Variants in ASTN2 observed in about 807,000 individuals in gnomAD.
ASTN2 encodes the protein astrotactin 2.
ASTN2 carries 54 observed loss-of-function variants against 139.8 expected under a neutral mutation model. That is an observed-to-expected ratio of 0.39 (90% confidence interval 0.31 to 0.48). The LOEUF is 0.48. ASTN2 is among the 20% of genes least tolerant of loss of function. ASTN2 has a pLI of 0.95. For synonymous variants in ASTN2, 756 were observed against 719.5 expected (o/e 1.05, Z -0.81); for missense variants, 1,565 against 1,725.1 (o/e 0.91, Z 1.64).
intron 2 of ASTN2, among the ~76,000 whole-genome samples, chr9:117,275,089 A>G (rs1834154345): frequency 6.6e-6 from 1 of 152,186 alleles, no homozygotes; most frequent in Non-Finnish European, 1.5e-5. Context: ...TTGCCATTGT[A>G]TATCAAAGAC....
intron 3 of ASTN2, among the ~76,000 whole-genome samples, chr9:117,185,474 C>A (rs1009794862): frequency 6.6e-6 from 1 of 152,172 alleles, no homozygotes; most frequent in Non-Finnish European, 1.5e-5. Context: ...GCTTCATAAC[C>A]TAGAGTGTGG....
At position 116,423,734 on chromosome 9, in the gene ASTN2, A is replaced by C. The variant is rs1237021218; in HGVS notation, c.*2117T>G. ...AGGTTGAGAAGCTTCCCAGGCACCA[A>C]GGTTGGAAGAATCTCTTTCTGCTTT... On this transcript the variant is annotated 3_prime_UTR_variant, in exon 23 of 23. Transcript: ENST00000313400. 6.6e-6 allele frequency among the ~76,000 whole-genome samples: 1 copy of C among 152,116 alleles called. No homozygotes were observed. The highest frequency in any genetic ancestry group is 1.5e-5 in the Non-Finnish European group (1 of 68,026).
rs376243599 is a variant in ASTN2 at position 117,141,717 on chromosome 9, A to G, written c.1016-239T>C. On this transcript the variant is annotated intron_variant, in intron 3 of 22. Transcript: ENST00000313400. ...ATGTATTCAACATTTACTACGTTCC[A>G]GGTACTGCTCTAGGCCCTTGAGACT... Among the ~76,000 whole-genome samples the G allele has an allele frequency of 2.4e-4, 36 of 152,334 alleles. No individual in the cohort carries two copies. In the East Asian group the frequency reaches 4.1e-3, roughly 17 times the overall value.
intron 3 of ASTN2, among the ~76,000 whole-genome samples, chr9:117,207,793 G>C (rs942592632): frequency 2.0e-5 from 3 of 152,132 alleles, no homozygotes; most frequent in Non-Finnish European, 4.4e-5. Context: ...ACATCCCCCT[G>C]TTCTGAGAAA....
chr9:116,425,631 G>C lies in ASTN2; in HGVS notation c.*220C>G, dbSNP rs758733191. ...TTTGATAGAGTCAAATAATATCTTT[G>C]AAAAAATAAAAGATAGAGAAAAATG... On this transcript the variant is annotated 3_prime_UTR_variant, in exon 23 of 23. Coordinates refer to ENST00000313400, the MANE Select transcript of ASTN2 (RefSeq NM_001365068.1). 2 of 1,611,584 alleles carry C rather than the reference G, an allele frequency of 1.2e-6. No individual in the cohort carries two copies. Among genetic ancestry groups the C allele is most frequent in the Non-Finnish European group, 1.7e-6 (2 of 1,179,158 alleles).
rs138254842 is a variant in ASTN2 at position 116,790,636 on chromosome 9, G to A, written c.2396+14996C>T. 3.9e-4 allele frequency among the ~76,000 whole-genome samples: 59 copies of A among 151,720 alleles called. 2 individuals are homozygous for A. In the East Asian group the frequency reaches 0.011, roughly 29 times the overall value. On this transcript the variant is annotated intron_variant, in intron 13 of 22. Coordinates refer to ENST00000313400, the MANE Select transcript of ASTN2 (RefSeq NM_001365068.1). ...CTTGATGAGTAGTCCTTCTGCACAAGAATAGGGACGTCAACTGTCTTCTTC... is the reference window on the plus strand; with the variant it reads ...CTTGATGAGTAGTCCTTCTGCACAAAAATAGGGACGTCAACTGTCTTCTTC...
intron 2 of ASTN2, among the ~76,000 whole-genome samples, chr9:117,265,462 G>A (rs1407477430): frequency 1.3e-5 from 2 of 152,172 alleles, no homozygotes; most frequent in African/African-American, 2.4e-5. Flanking sequence ...GTACCGAGCT[G>A]CCAAAGAACC....
rs115288445 is a variant in ASTN2 at position 117,132,786 on chromosome 9, T to C, written c.1168+8540A>G. On this transcript the variant is annotated intron_variant, in intron 4 of 22. Transcript: ENST00000313400. ...GGTCAACAGACAGAAAGCCAGAGACTGAGGGAAAAGGTTTCCTAATCAAAG... is the reference window on the plus strand; with the variant it reads ...GGTCAACAGACAGAAAGCCAGAGACCGAGGGAAAAGGTTTCCTAATCAAAG... 6.8e-3 allele frequency among the ~76,000 whole-genome samples: 1,039 copies of C among 152,246 alleles called. 13 individuals carry two copies. Among genetic ancestry groups the C allele is most frequent in the African/African-American group, 0.024 (980 of 41,490 alleles).
chr9:116,847,025 A>AC (rs1261973312), intron 11 of ASTN2, among the ~76,000 whole-genome samples: 1 of 119,578 alleles, frequency 8.4e-6, no homozygotes, highest in Non-Finnish European at 1.6e-5. Context: ...AAAAAAAAAA[A>AC]ACAAAAAACA....
chr9:116,864,573 C>T (rs986546824), intron 10 of ASTN2, among the ~76,000 whole-genome samples: 2 of 152,080 alleles, frequency 1.3e-5, no homozygotes, highest in African/African-American at 2.4e-5. Context: ...AGAAAGGGCC[C>T]GAAATAAGAG....
chr9:117,051,605 C>A (rs990077217), intron 5 of ASTN2, among the ~76,000 whole-genome samples: 1 of 152,154 alleles, frequency 6.6e-6, no homozygotes, highest in African/African-American at 2.4e-5. Context: ...TCCAAGGTAC[C>A]CCTTTGGTTC....
intron 20 of ASTN2, among the ~76,000 whole-genome samples, chr9:116,471,813 G>A (rs1207816151): frequency 2.0e-5 from 3 of 152,172 alleles, no homozygotes; most frequent in Admixed American, 1.3e-4. Flanking sequence ...GGTCTCCAAG[G>A]TTAGGCAATT....
chr9:116,969,109 G>A (rs569630120), intron 10 of ASTN2, among the ~76,000 whole-genome samples: 24 of 152,260 alleles, frequency 1.6e-4, no homozygotes, highest in African/African-American at 5.5e-4. Context: ...TCAAGGGTAA[G>A]TTGGTGACCC....
intron 2 of ASTN2, among the ~76,000 whole-genome samples, chr9:117,257,112 A>C (rs1031000519): frequency 6.6e-6 from 1 of 152,242 alleles, no homozygotes; most frequent in Admixed American, 6.5e-5. Flanking sequence ...ACAAGCATCA[A>C]ACGTTTCAGA....
chr9:116,463,691 G>A (rs1374343557), intron 20 of ASTN2, among the ~76,000 whole-genome samples: 1 of 152,124 alleles, frequency 6.6e-6, no homozygotes, highest in East Asian at 1.9e-4. Context: ...TCCCTCTCCT[G>A]TGCTTTTCTT....
intron 16 of ASTN2, chr9:116,700,327 A>T: frequency 5.9e-6 from 1 of 168,230 alleles, no homozygotes. Context: ...GATCTGTGCC[A>T]TCTTGGATTG....
chr9:116,790,962 AG>A lies in ASTN2; in HGVS notation c.2396+14669del, dbSNP rs1564268792. Among the ~76,000 whole-genome samples the A allele has an allele frequency of 8.3e-4, 102 of 123,274 alleles. 1 individual carries two copies. The highest frequency in any genetic ancestry group is 2.7e-3 in the African/African-American group (81 of 29,972). The allele number at this position is 123,274 out of a possible 152,430, so 80.9% of individuals were successfully genotyped here. ...AGAAAGAAAGAAAGAAAGAAAAGAA[AG>A]AAGGAAAGAAAGAAAGAAAGAAAGA... On this transcript the variant is annotated intron_variant, in intron 13 of 22. Coordinates refer to ENST00000313400, the MANE Select transcript of ASTN2 (RefSeq NM_001365068.1).
At chr9:116,845,986 G>C (rs1832418719) in intron 11 of ASTN2, among the ~76,000 whole-genome samples, 1 of 152,184 alleles carries the variant, frequency 6.6e-6, no homozygotes, top group African/African-American at 2.4e-5. Flanking sequence ...TTCATTGACA[G>C]ATACATATAC....
At position 117,414,948 on chromosome 9, in the gene ASTN2, G is replaced by GGCTGCGGT. The variant is rs1313391160; in HGVS notation, c.-18_-11dup. The GGCTGCGGT allele has an allele frequency of 1.7e-5, 5 of 293,584 alleles. No individual in the cohort carries two copies. The highest frequency in any genetic ancestry group is 1.2e-4 in the East Asian group (1 of 8,640). 18.2% of individuals were successfully genotyped at this position (293,584 alleles called of 1,614,324 possible). On this transcript the variant is annotated 5_prime_UTR_variant, in exon 1 of 23. Coordinates refer to ENST00000313400, the MANE Select transcript of ASTN2 (RefSeq NM_001365068.1). The surrounding 1 kb of genome is among the most constrained non-coding windows in gnomAD (Gnocchi z 4.2). Reference sequence around the variant, plus strand: ...CGCCGGCGGCGGCCATGGCGGGAGGGGCTGCGGTGCTGCGGGCGGCGGCGG... The same window carrying GGCTGCGGT: ...CGCCGGCGGCGGCCATGGCGGGAGGGGCTGCGGTGCTGCGGTGCTGCGGGCGGCGGCGG...
Sources: allele counts gnomAD v4.1 joint callset (sites outside exome capture counted in the v4.1 genomes callset), GRCh38; gene constraint gnomAD v4.1.1; non-coding constraint Gnocchi (gnomAD v3.1); transcripts MANE v1.5; gene names NCBI Gene and HGNC (gene_info 2026-07-23, HGNC 2026-07-21).